The following STYK1 variants were observed in gnomAD, a reference collection of about 807,000 sequenced individuals.
STYK1 encodes the protein tyrosine-protein kinase STYK1.
STYK1 carries 46 observed loss-of-function variants against 48.1 expected under a neutral mutation model. The observed-to-expected ratio is 0.96, with a 90% CI of 0.75 to 1.22. The LOEUF is 1.22. STYK1 is among the 50% of genes most tolerant of loss of function. STYK1 has a pLI of 0.00. For synonymous variants in STYK1, 188 were observed against 189.0 expected (o/e 0.99, Z 0.04); for missense variants, 527 against 521.1 (o/e 1.01, Z -0.11).
chr12:10,650,516 G>A (rs527318408), intron 1 of STYK1, among the ~76,000 whole-genome samples: 2 of 152,314 alleles, frequency 1.3e-5, no homozygotes, highest in East Asian at 1.9e-4. Flanking sequence ...TTGTGCTCCT[G>A]ATCAAGCTTC....
intron 1 of STYK1, among the ~76,000 whole-genome samples, chr12:10,666,135 G>A (rs541557717): frequency 6.6e-6 from 1 of 152,308 alleles, no homozygotes; most frequent in South Asian, 2.1e-4. Context: ...GTGTCAAAGA[G>A]CATGTAGGTG....
At chr12:10,630,385 C>CAAAAAAAAAAAAAAA (rs35704937) in intron 5 of STYK1, among the ~76,000 whole-genome samples, 1 of 48,572 alleles carries the variant, frequency 2.1e-5, no homozygotes, top group Non-Finnish European at 3.7e-5. Flanking sequence ...CACTCTGTCT[C>CAAAAAAAAAAAAAAA]AAAAAAAAAA....
At chr12:10,664,970 C>T (rs999987260) in intron 1 of STYK1, among the ~76,000 whole-genome samples, 2 of 152,202 alleles carry the variant, frequency 1.3e-5, no homozygotes, top group Non-Finnish European at 2.9e-5. Context: ...AGGTGACATG[C>T]ATAAGTCAGA....
At position 10,633,956 on chromosome 12, in the gene STYK1, A is replaced by T. The variant is rs371372117; in HGVS notation, c.187+34T>A. 126 of 1,606,832 alleles carry T rather than the reference A, an allele frequency of 7.8e-5. No individual in the cohort carries two copies. In the African/African-American group the frequency reaches 1.6e-3, roughly 20 times the overall value. On this transcript the variant is annotated intron_variant, in intron 4 of 10. Transcript: ENST00000075503. ...CTTTTTCCTAATCTCCATCTTCTTT[A>T]AGCCCCTGCCCAGCCCCAAAGTTTG... is the stretch of plus-strand genomic sequence containing the variant.
chr12:10,669,311 G>C (rs1013503740), intron 1 of STYK1, among the ~76,000 whole-genome samples: 3 of 152,154 alleles, frequency 2.0e-5, no homozygotes, highest in Non-Finnish European at 4.4e-5. Context: ...TGGTACCCAG[G>C]TTTCTGTTCG....
Position 10,627,669 on chromosome 12 carries a change from T to G in STYK1, c.689A>C (p.His230Pro). ...CGCCAAAAGGACCTGCTTTCCGATG[T>G]GATATACTTGTTTTTCTGTGAGATC... Reference protein sequence around the residue: ...LYDLTEKQVYHIGKQVLLALE... With the variant: ...LYDLTEKQVYPIGKQVLLALE... The change falls in exon 7 of 11, where the codon CAC (histidine) becomes CCC (proline). Residue 230 changes from histidine (H) to proline (P), a missense_variant. His to Pro is a moderately conservative substitution (Grantham distance 77). Coordinates refer to ENST00000075503, the MANE Select transcript of STYK1 (RefSeq NM_018423.3). The G allele has an allele frequency of 6.2e-7, 1 of 1,613,916 alleles. No homozygotes were observed. Among genetic ancestry groups the G allele is most frequent in the Non-Finnish European group, 8.5e-7 (1 of 1,179,930 alleles).
chr12:10,634,063 G>A lies in STYK1; in HGVS notation c.114C>T (p.Leu38=), dbSNP rs1947458922. Residue 38 remains leucine (L), a synonymous_variant, in exon 4 of 11, where the codon CTC becomes CTT. Transcript: ENST00000075503. ...IVPTLLVTIF[L]ILLGVILWLF... ...GCCACAGGATGACCCCAAGAAGGAT[G>A]AGGAAGATAGTAACCAACAAAGTTG... 1.2e-6 allele frequency: 2 copies of A among 1,614,146 alleles called. No individual in the cohort carries two copies. Among genetic ancestry groups the A allele is most frequent in the Non-Finnish European group, 1.7e-6 (2 of 1,180,018 alleles).
chr12:10,669,885 C>G (rs1947874077), intron 1 of STYK1, among the ~76,000 whole-genome samples: 1 of 152,168 alleles, frequency 6.6e-6, no homozygotes, highest in Non-Finnish European at 1.5e-5. Context: ...AAATATTCAA[C>G]ATCACTGATC....
At chr12:10,671,139 C>T (rs950123191) in intron 1 of STYK1, among the ~76,000 whole-genome samples, 11 of 151,576 alleles carry the variant, frequency 7.3e-5, no homozygotes, top group East Asian at 1.9e-4. Context: ...GGACTACAGG[C>T]GCCCGCCACC....
intron 10 of STYK1, among the ~76,000 whole-genome samples, chr12:10,621,439 T>A (rs3782674): frequency 0.4 from 61,509 of 151,988 alleles, 13,112 homozygotes; most frequent in East Asian, 0.78. Flanking sequence ...AGAACTGGTA[T>A]ACTCTGAATG....
At chr12:10,671,285 A>G (rs1375491040) in intron 1 of STYK1, among the ~76,000 whole-genome samples, 6 of 152,122 alleles carry the variant, frequency 3.9e-5, no homozygotes, top group African/African-American at 1.2e-4. Flanking sequence ...GTGAGCCACC[A>G]CGCCTGGCCA....
chr12:10,624,654 T>C lies in STYK1; in HGVS notation c.923A>G (p.Asp308Gly). 1.2e-6 allele frequency: 2 copies of C among 1,613,854 alleles called. No individual in the cohort carries two copies. Among genetic ancestry groups the C allele is most frequent in the African/African-American group, 2.7e-5 (2 of 75,026 alleles). ...AGAGTCCAGGAATAAACCGTACACA[T>C]CTGCTCTGATGCTAGCAGGTCTCAG... is the stretch of plus-strand genomic sequence containing the variant. ...LLLRPASIRA[D>G]VWSFGILLYE... is the part of the protein sequence containing the mutation. Residue 308 changes from aspartate (D) to glycine (G), a missense_variant, in exon 8 of 11, where the codon GAT becomes GGT. By Grantham distance (94) the Asp-to-Gly change is moderately conservative. Coordinates refer to ENST00000075503, the MANE Select transcript of STYK1 (RefSeq NM_018423.3).
intron 1 of STYK1, among the ~76,000 whole-genome samples, chr12:10,655,581 T>TC (rs762268125): frequency 6.6e-6 from 1 of 152,152 alleles, no homozygotes; most frequent in Non-Finnish European, 1.5e-5. Flanking sequence ...TTTTATCCCC[T>TC]CCCCCCATGA....
At chr12:10,634,428 G>T in intron 3 of STYK1, 139 bp downstream of exon 3, 2 of 931,972 alleles carry the variant, frequency 2.1e-6, no homozygotes, top group Non-Finnish European at 3.3e-6. Flanking sequence ...AAAGACAATG[G>T]CCTCTAGTCC....
At chr12:10,663,191 T>C (rs943212828) in intron 1 of STYK1, among the ~76,000 whole-genome samples, 18 of 152,182 alleles carry the variant, frequency 1.2e-4, no homozygotes, top group Non-Finnish European at 7.3e-5. Flanking sequence ...CAGAGCTCAT[T>C]GCAGCCTCAA....
At chr12:10,633,920 C>T (rs1325586156) in intron 4 of STYK1, 70 bp downstream of exon 4, 7 of 1,569,580 alleles carry the variant, frequency 4.5e-6, no homozygotes, top group African/African-American at 2.7e-5. Flanking sequence ...CTCATTGAAA[C>T]TTAGACCATA....
chr12:10,624,867 G>C lies in STYK1; in HGVS notation c.718-8C>G. 1 of 1,613,474 alleles carries C rather than the reference G, an allele frequency of 6.2e-7. No homozygotes were observed. The highest frequency in any genetic ancestry group is 8.5e-7 in the Non-Finnish European group (1 of 1,179,436). ...CTTCTCCTGCAGGAATTCCTGTCAAGATAAAATCAAATATGATCAGCTGTC... is the reference window on the plus strand; with the variant it reads ...CTTCTCCTGCAGGAATTCCTGTCAACATAAAATCAAATATGATCAGCTGTC... On this transcript the variant is annotated splice_region_variant and splice_polypyrimidine_tract_variant and intron_variant, in intron 7 of 10. Transcript: ENST00000075503.
intron 1 of STYK1, among the ~76,000 whole-genome samples, chr12:10,646,240 C>T (rs1947597795): frequency 6.6e-6 from 1 of 152,114 alleles, no homozygotes; most frequent in Non-Finnish European, 1.5e-5. Flanking sequence ...GTTTGAAATT[C>T]CCTAGAGACT....
At chr12:10,626,356 A>G (rs1318193810) in intron 7 of STYK1, among the ~76,000 whole-genome samples, 1 of 152,136 alleles carries the variant, frequency 6.6e-6, no homozygotes, top group Non-Finnish European at 1.5e-5. Context: ...TATCAAGGGA[A>G]CATATCAACG....
Sources: allele counts gnomAD v4.1 joint callset (sites outside exome capture counted in the v4.1 genomes callset), GRCh38; gene constraint gnomAD v4.1.1; transcripts MANE v1.5; gene names NCBI Gene and HGNC (gene_info 2026-07-23, HGNC 2026-07-21).